The following LARGE1 variants were observed in gnomAD, a reference collection of about 807,000 sequenced individuals.
The protein encoded by LARGE1 is xylosyl- and glucuronyltransferase LARGE1.
In LARGE1, 43 loss-of-function variants were observed where a neutral mutation model predicts 87.6. The ratio of observed to expected loss-of-function variants is 0.49; its 90% confidence interval spans 0.38 to 0.63. The LOEUF is 0.63. Among genes scored for constraint, LARGE1 ranks in the 30% least tolerant of loss-of-function variants. LARGE1 has a pLI of 0.00. For synonymous variants in LARGE1, 434 were observed against 394.6 expected (o/e 1.10, Z -1.18); for missense variants, 802 against 1,000.2 (o/e 0.80, Z 2.67).
At chr22:33,313,447 A>G (rs774877605) in intron 11 of LARGE1, among the ~76,000 whole-genome samples, 9 of 152,202 alleles carry the variant, frequency 5.9e-5, no homozygotes, top group African/African-American at 9.6e-5. Context: ...TGACAGGCAG[A>G]GTTCTATGAG....
chr22:33,246,516 C>T (rs144069543), intron 11 of LARGE1, among the ~76,000 whole-genome samples: 73 of 152,142 alleles, frequency 4.8e-4, no homozygotes, highest in East Asian at 9.7e-4. Context: ...CGTGGTGGTG[C>T]GCACCTGTAA....
chr22:33,588,444 C>A (rs1312558705), intron 5 of LARGE1, among the ~76,000 whole-genome samples: 1 of 152,074 alleles, frequency 6.6e-6, no homozygotes, highest in African/African-American at 2.4e-5. Flanking sequence ...ACATAGTGAA[C>A]TAGACAACCT....
At chr22:33,499,498 A>C (rs1428267558) in intron 6 of LARGE1, among the ~76,000 whole-genome samples, 1 of 152,222 alleles carries the variant, frequency 6.6e-6, no homozygotes, top group Non-Finnish European at 1.5e-5. Context: ...CTGCAGCCCC[A>C]GGGGCAGATG....
intron 7 of LARGE1, among the ~76,000 whole-genome samples, chr22:33,395,876 G>A (rs573794416): frequency 2.0e-5 from 3 of 152,362 alleles, no homozygotes; most frequent in African/African-American, 4.8e-5. Context: ...GTTAAATAAA[G>A]TTAAATAGGT....
At chr22:33,468,739 A>G (rs771903824) in intron 6 of LARGE1, among the ~76,000 whole-genome samples, 5 of 151,860 alleles carry the variant, frequency 3.3e-5, no homozygotes, top group Admixed American at 6.5e-5. Flanking sequence ...GCACACAGCT[A>G]GAATACGGTA....
intron 2 of LARGE1, among the ~76,000 whole-genome samples, chr22:33,753,649 C>T (rs1478378756): frequency 6.6e-6 from 1 of 152,142 alleles, no homozygotes; most frequent in Non-Finnish European, 1.5e-5. Context: ...ATTCCTGGTC[C>T]AGGCCTCTTG....
At chr22:33,724,984 G>A in intron 2 of LARGE1, 1 of 152,616 alleles carries the variant, frequency 6.6e-6, no homozygotes, top group Non-Finnish European at 1.5e-5. Context: ...CTCTCACAAG[G>A]TGAAGTGTAA....
At chr22:33,667,023 C>CAG (rs1263084742) in intron 2 of LARGE1, among the ~76,000 whole-genome samples, 2 of 152,154 alleles carry the variant, frequency 1.3e-5, no homozygotes, top group African/African-American at 4.8e-5. Flanking sequence ...TGTCAAAATC[C>CAG]AGAGCTCACA....
intron 3 of LARGE1, among the ~76,000 whole-genome samples, chr22:33,648,704 T>C (rs1013582889): frequency 1.3e-5 from 2 of 152,192 alleles, no homozygotes; most frequent in South Asian, 4.1e-4. Context: ...CTGACAGTGG[T>C]TGTCAAAGAC....
chr22:33,069,668 T>TAA, the LARGE1 span, among the ~76,000 whole-genome samples: 1 of 152,194 alleles, frequency 6.6e-6, no homozygotes, highest in African/African-American at 2.4e-5. Flanking sequence ...AAGTACCCTA[T>TAA]AAATTTTAGC....
Position 33,312,700 on chromosome 22 carries a change from C to G in LARGE1, c.1451+3385G>C, listed in dbSNP as rs529607494. Among the ~76,000 whole-genome samples, 24 of 152,230 alleles carry G rather than the reference C, an allele frequency of 1.6e-4. No homozygotes were observed. In the East Asian group the frequency reaches 4.4e-3, roughly 28 times the overall value. On this transcript the variant is annotated intron_variant, in intron 11 of 14. Coordinates refer to ENST00000397394, the MANE Select transcript of LARGE1 (RefSeq NM_133642.5). Reference sequence around the variant, plus strand: ...CCAGTGATGGTTGGAGAAATGGGCACCTGGCTTTAAGTGAAACCCTCTCAC... The same window carrying G: ...CCAGTGATGGTTGGAGAAATGGGCAGCTGGCTTTAAGTGAAACCCTCTCAC...
At chr22:33,331,744 T>C (rs1348881470) in intron 10 of LARGE1, among the ~76,000 whole-genome samples, 1 of 152,142 alleles carries the variant, frequency 6.6e-6, no homozygotes, top group East Asian at 1.9e-4. Context: ...ACTGACTTCA[T>C]TTGACTCTCA....
At chr22:33,276,892 A>G (rs1013182404) in intron 14 of LARGE1, among the ~76,000 whole-genome samples, 168 bp downstream of exon 14, 1 of 152,176 alleles carries the variant, frequency 6.6e-6, no homozygotes, top group Non-Finnish European at 1.5e-5. Flanking sequence ...TTGAGGAAGG[A>G]GCAATGGTTT....
intron 1 of LARGE1, among the ~76,000 whole-genome samples, chr22:33,780,728 T>C (rs926322858): frequency 2.6e-5 from 4 of 152,208 alleles, no homozygotes; most frequent in African/African-American, 9.6e-5. Flanking sequence ...TCTGCAGCAG[T>C]GCAAAACTAT....
At chr22:33,237,343 G>GATAA (rs1349931847) in intron 11 of LARGE1, among the ~76,000 whole-genome samples, 7 of 152,144 alleles carry the variant, frequency 4.6e-5, no homozygotes, top group African/African-American at 1.7e-4. Flanking sequence ...ATTAGTCCAA[G>GATAA]ATAATTGAAC....
At chr22:33,155,175 G>A in the LARGE1 span, among the ~76,000 whole-genome samples, 1 of 152,124 alleles carries the variant, frequency 6.6e-6, no homozygotes, top group Non-Finnish European at 1.5e-5. Flanking sequence ...ACCAAGAGTG[G>A]GGTGCTGCTG....
intron 12 of LARGE1, among the ~76,000 whole-genome samples, chr22:33,301,461 T>C (rs1934129969): frequency 6.6e-6 from 1 of 152,134 alleles, no homozygotes; most frequent in Non-Finnish European, 1.5e-5. Flanking sequence ...AAAACAATTT[T>C]TAAAAATTAG....
chr22:33,826,584 G>A (rs929482628), intron 1 of LARGE1, among the ~76,000 whole-genome samples: 2 of 151,820 alleles, frequency 1.3e-5, no homozygotes, highest in South Asian at 4.2e-4. Flanking sequence ...GTTGTGATCC[G>A]CCCGCCTCGG....
At chr22:33,636,177 G>A (rs560801347) in intron 3 of LARGE1, among the ~76,000 whole-genome samples, 1 of 152,310 alleles carries the variant, frequency 6.6e-6, no homozygotes, top group East Asian at 1.9e-4. Flanking sequence ...ATTAAAGGAT[G>A]AGACCGATTT....
Sources: gnomAD v4.1 joint callset for allele counts (sites outside exome capture counted in the v4.1 genomes callset) on GRCh38, gnomAD v4.1.1 for gene constraint, MANE v1.5 for transcripts, NCBI Gene and HGNC (gene_info 2026-07-23, HGNC 2026-07-21) for gene names.